Variants in CDA observed in about 807,000 individuals in gnomAD.
CDA encodes cytidine deaminase.
CDA carries 7 observed loss-of-function variants against 15.0 expected under a neutral mutation model. The observed-to-expected ratio is 0.47, with a 90% CI of 0.26 to 0.87. The LOEUF (loss-of-function observed/expected upper bound fraction) is 0.87. CDA is among the 40% of genes least tolerant of loss of function. The pLI is 0.15. For missense variants in CDA, 159 were observed against 182.7 expected, an observed-to-expected ratio of 0.87 and a Z score of 0.75; for synonymous variants, 58 against 73.0, an observed-to-expected ratio of 0.79 and a Z score of 1.05.
chr1:20,610,342 C>T (rs1039051024), intron 2 of CDA, among the ~76,000 whole-genome samples: 1 of 148,462 alleles, frequency 6.7e-6, no homozygotes, highest in African/African-American at 2.5e-5. Context: ...TGCTCTGTCA[C>T]CCAGACTGGA....
At chr1:20,611,192 A>T (rs1232881988) in intron 2 of CDA, among the ~76,000 whole-genome samples, 1 of 152,210 alleles carries the variant, frequency 6.6e-6, no homozygotes, top group Non-Finnish European at 1.5e-5. Context: ...GTGAGCCATG[A>T]TTGTGCCACT....
intron 3 of CDA, among the ~76,000 whole-genome samples, chr1:20,616,058 T>C (rs774609561): frequency 6.6e-6 from 1 of 152,034 alleles, no homozygotes; most frequent in East Asian, 1.9e-4. Context: ...CTGAGTGAAA[T>C]GCATGTCGTT....
At chr1:20,599,081 C>T (rs2052616179) in intron 1 of CDA, among the ~76,000 whole-genome samples, 1 of 152,106 alleles carries the variant, frequency 6.6e-6, no homozygotes, top group African/African-American at 2.4e-5. Flanking sequence ...TCGGAGAAAG[C>T]GTCTCTGAGA....
chr1:20,602,866 G>A (rs2052659004), intron 1 of CDA, among the ~76,000 whole-genome samples: 1 of 152,214 alleles, frequency 6.6e-6, no homozygotes, highest in African/African-American at 2.4e-5. Context: ...TGGTTCTGAA[G>A]CCTGCCAACT....
intron 2 of CDA, among the ~76,000 whole-genome samples, chr1:20,609,863 C>T (rs1367510271): frequency 2.0e-5 from 3 of 152,172 alleles, no homozygotes; most frequent in African/African-American, 4.8e-5. Context: ...CTTATGTGCC[C>T]GTGGGTTTTT....
At chr1:20,596,736 G>A (rs1379324560) in intron 1 of CDA, among the ~76,000 whole-genome samples, 1 of 147,862 alleles carries the variant, frequency 6.8e-6, no homozygotes, top group African/African-American at 2.5e-5. Context: ...CTCATTGTGA[G>A]CTTCTTTCCC....
In CDA at chr1:20,605,013, G is replaced by A. The variant is rs542016963; in HGVS notation, c.240G>A (p.Lys80=). ...AIQKAVSEGY[K]DFRAIAIASD... is the part of the protein sequence containing the mutation. ...AGAAGGCCGTCTCAGAAGGGTACAA[G>A]GATTTCAGGGCAATTGCTATCGCCA... The change falls in exon 2 of 4, where the codon AAG becomes AAA. Residue 80 remains lysine (K), a synonymous_variant. Coordinates refer to ENST00000375071, the MANE Select transcript of CDA (RefSeq NM_001785.3). 1 of 1,613,204 alleles carries A rather than the reference G, an allele frequency of 6.2e-7. No individual in the cohort carries two copies. Among genetic ancestry groups the A allele is most frequent in the South Asian group, 1.1e-5 (1 of 91,016 alleles).
intron 2 of CDA, among the ~76,000 whole-genome samples, chr1:20,607,055 G>A (rs2052700544): frequency 6.6e-6 from 1 of 152,164 alleles, no homozygotes; most frequent in African/African-American, 2.4e-5. Flanking sequence ...ATTCTGTGAG[G>A]TAATTATCTC....
intron 2 of CDA, among the ~76,000 whole-genome samples, chr1:20,607,880 G>A (rs575294352): frequency 2.1e-4 from 32 of 152,284 alleles, no homozygotes; most frequent in African/African-American, 6.3e-4. Flanking sequence ...ACCCCTCTCA[G>A]GTCTTTAAGG....
intron 1 of CDA, among the ~76,000 whole-genome samples, chr1:20,591,075 C>T (rs1400394951): frequency 6.6e-6 from 1 of 152,160 alleles, no homozygotes; most frequent in Non-Finnish European, 1.5e-5. Context: ...CATGGTGGCT[C>T]ACGCCTGTAA....
intron 2 of CDA, among the ~76,000 whole-genome samples, chr1:20,607,729 G>T (rs985088711): frequency 6.6e-6 from 1 of 152,188 alleles, no homozygotes; most frequent in South Asian, 2.1e-4. Context: ...TAGGTATTCA[G>T]CTCAGTTTCC....
chr1:20,613,828 C>CT lies in CDA; in HGVS notation c.267-11dup. Reference sequence around the variant, plus strand: ...GGGAGAGACTAATTTGAGTTTGATTCTTTGCTTCCCCAGTGACATGCAAGA... The same window carrying CT: ...GGGAGAGACTAATTTGAGTTTGATTCTTTTGCTTCCCCAGTGACATGCAAGA... On this transcript the variant is annotated splice_polypyrimidine_tract_variant and intron_variant, in intron 2 of 3. Coordinates refer to ENST00000375071, the MANE Select transcript of CDA (RefSeq NM_001785.3). 1 of 1,613,268 alleles carries CT rather than the reference C, an allele frequency of 6.2e-7. No individual in the cohort carries two copies.
chr1:20,615,694 C>T (rs568058457), intron 3 of CDA, among the ~76,000 whole-genome samples: 1 of 151,818 alleles, frequency 6.6e-6, no homozygotes, highest in Non-Finnish European at 1.5e-5. Flanking sequence ...AGCATAATAT[C>T]AAGAGCCCCT....
chr1:20,608,715 C>T (rs1183699348), intron 2 of CDA, among the ~76,000 whole-genome samples: 1 of 152,126 alleles, frequency 6.6e-6, no homozygotes, highest in Non-Finnish European at 1.5e-5. Flanking sequence ...CAGCCTCAAA[C>T]TATTATATTG....
chr1:20,610,742 C>T (rs551753589), intron 2 of CDA, among the ~76,000 whole-genome samples: 1 of 152,304 alleles, frequency 6.6e-6, no homozygotes, highest in South Asian at 2.1e-4. Flanking sequence ...GCACTTAGAA[C>T]AGGCAGTAAC....
intron 2 of CDA, among the ~76,000 whole-genome samples, chr1:20,609,847 C>T (rs1044447463): frequency 6.6e-6 from 1 of 152,208 alleles, no homozygotes. Flanking sequence ...CAGGAGTCCC[C>T]ACCCTCTTAT....
chr1:20,605,208 A>G (rs531247464), intron 2 of CDA, among the ~76,000 whole-genome samples, 169 bp downstream of exon 2: 2 of 152,290 alleles, frequency 1.3e-5, no homozygotes, highest in East Asian at 3.9e-4. Context: ...AAGGAGATAA[A>G]TAAGAAATGG....
chr1:20,608,909 G>T (rs967791525), intron 2 of CDA, among the ~76,000 whole-genome samples: 2 of 152,168 alleles, frequency 1.3e-5, no homozygotes, highest in African/African-American at 2.4e-5. Context: ...GCCCCTTACA[G>T]GGTTGTTGGG....
intron 1 of CDA, among the ~76,000 whole-genome samples, chr1:20,597,822 G>A (rs1422039561): frequency 6.6e-6 from 1 of 151,740 alleles, no homozygotes; most frequent in African/African-American, 2.4e-5. Flanking sequence ...GCTGAGAGAA[G>A]CAAAACAAAA....
Sources: gnomAD v4.1 joint callset for allele counts (sites outside exome capture counted in the v4.1 genomes callset) on GRCh38, gnomAD v4.1.1 for gene constraint, MANE v1.5 for transcripts, NCBI Gene and HGNC (gene_info 2026-07-23, HGNC 2026-07-21) for gene names.